Variants in RYR2 observed in about 807,000 individuals in gnomAD.
The protein encoded by RYR2 is cardiac muscle ryanodine receptor-calcium release channel.
In RYR2, 227 loss-of-function variants were observed where a neutral mutation model predicts 601.1. The observed-to-expected ratio is 0.38, with a 90% CI of 0.34 to 0.42. The LOEUF is 0.42. Among genes scored for constraint, RYR2 ranks in the 10% least tolerant of loss-of-function variants. The pLI is 1.00. For missense variants in RYR2, 4,646 were observed against 6,156.5 expected, an observed-to-expected ratio of 0.75 and a Z score of 8.21; for synonymous variants, 2,223 against 2,175.1, an observed-to-expected ratio of 1.02 and a Z score of -0.61.
chr1:237,642,847 C>T (rs1483340868), intron 47 of RYR2, among the ~76,000 whole-genome samples: 1 of 152,162 alleles, frequency 6.6e-6, no homozygotes, highest in African/African-American at 2.4e-5. Flanking sequence ...TGGGAGAAAT[C>T]AGGGTCGAAG....
chr1:237,334,314 G>A (rs1177384669), intron 3 of RYR2, among the ~76,000 whole-genome samples: 2 of 151,996 alleles, frequency 1.3e-5, no homozygotes, highest in African/African-American at 4.8e-5. Flanking sequence ...CCTAATGTAT[G>A]AAGTTTTGGT....
At chr1:237,327,936 T>C (rs558920660) in intron 2 of RYR2, among the ~76,000 whole-genome samples, 1 of 152,344 alleles carries the variant, frequency 6.6e-6, no homozygotes, top group South Asian at 2.1e-4. Flanking sequence ...ATCCATGCTC[T>C]TAACTATTAG....
intron 1 of RYR2, among the ~76,000 whole-genome samples, chr1:237,187,942 T>C (rs931694417): frequency 2.0e-5 from 3 of 152,228 alleles, no homozygotes; most frequent in Non-Finnish European, 4.4e-5. Context: ...TAAATCTCTT[T>C]GCTGTTTGTG....
chr1:237,569,123 G>T (rs749079365), intron 28 of RYR2, 22 bp from the exon 29 acceptor site: 1 of 1,595,918 alleles, frequency 6.3e-7, no homozygotes, highest in South Asian at 1.1e-5. Flanking sequence ...TGTGACAAGG[G>T]ACTTTTCTGT....
chr1:237,765,499 C>T (rs1486838535), intron 84 of RYR2, among the ~76,000 whole-genome samples: 1 of 152,150 alleles, frequency 6.6e-6, no homozygotes, highest in Non-Finnish European at 1.5e-5. Flanking sequence ...GAGGTTCTTA[C>T]TGATATATTT....
intron 20 of RYR2, among the ~76,000 whole-genome samples, chr1:237,497,888 G>T (rs1664240243): frequency 6.6e-6 from 1 of 151,732 alleles, no homozygotes; most frequent in Non-Finnish European, 1.5e-5. Flanking sequence ...TCGAGACAGA[G>T]TCTTGCTCTG....
At chr1:237,240,429 A>G (rs1686022518) in intron 1 of RYR2, among the ~76,000 whole-genome samples, 1 of 152,134 alleles carries the variant, frequency 6.6e-6, no homozygotes, top group Non-Finnish European at 1.5e-5. Flanking sequence ...ATGCTTAAGT[A>G]GAAAAACAAA....
chr1:237,074,959 G>T (rs1259167902), intron 1 of RYR2, among the ~76,000 whole-genome samples: 2 of 152,208 alleles, frequency 1.3e-5, no homozygotes, highest in East Asian at 3.9e-4. Flanking sequence ...CCAGGTCTCG[G>T]AGAGGGATCT....
intron 1 of RYR2, among the ~76,000 whole-genome samples, chr1:237,044,155 T>C (rs1660268517): frequency 6.7e-6 from 1 of 149,276 alleles, no homozygotes; most frequent in African/African-American, 2.5e-5. Context: ...GTAATACAGT[T>C]GTCTTTTTCA....
intron 12 of RYR2, among the ~76,000 whole-genome samples, chr1:237,428,770 A>G (rs1480118930): frequency 7.0e-6 from 1 of 143,168 alleles, no homozygotes; most frequent in Non-Finnish European, 1.5e-5. Context: ...AAAAAAAAAA[A>G]TACAAGTCAC....
intron 58 of RYR2, among the ~76,000 whole-genome samples, chr1:237,671,042 A>G (rs1684881060): frequency 6.6e-6 from 1 of 152,190 alleles, no homozygotes; most frequent in Non-Finnish European, 1.5e-5. Context: ...TCTGCATACA[A>G]CTTGTACTGG....
At chr1:237,310,938 G>C (rs1246248629) in intron 2 of RYR2, among the ~76,000 whole-genome samples, 1 of 152,102 alleles carries the variant, frequency 6.6e-6, no homozygotes, top group African/African-American at 2.4e-5. Context: ...TTCACAGTTA[G>C]GGTTTCCTTG....
At chr1:237,573,458 T>G (rs959399694) in intron 29 of RYR2, among the ~76,000 whole-genome samples, 6 of 151,046 alleles carry the variant, frequency 4.0e-5, no homozygotes, top group Non-Finnish European at 8.9e-5. Context: ...CAAACATCTT[T>G]GAAAGACTGA....
chr1:237,758,307 TG>T (rs2149267951), intron 82 of RYR2, among the ~76,000 whole-genome samples: 1 of 152,324 alleles, frequency 6.6e-6, no homozygotes, highest in East Asian at 1.9e-4. Flanking sequence ...GTATACTTCT[TG>T]TCTATGTGGA....
rs1332840073 is a variant in RYR2 at position 237,497,212 on chromosome 1, A to G, written c.2203+460A>G. ...AGTTCAGCCTTCTGTTAGATAATGT[A>G]ATGGTGGGAAATCAATAATTTGTAA... On this transcript the variant is annotated intron_variant, in intron 20 of 104. Coordinates refer to ENST00000366574, the MANE Select transcript of RYR2 (RefSeq NM_001035.3). 2.0e-5 allele frequency among the ~76,000 whole-genome samples: 3 copies of G among 152,200 alleles called. No individual in the cohort carries two copies. The East Asian group carries it at 5.8e-4, about 29-fold the overall frequency.
At chr1:237,398,497 A>G (rs10925406) in intron 10 of RYR2, among the ~76,000 whole-genome samples, 38,999 of 152,216 alleles carry the variant, frequency 0.26, 5,177 homozygotes, top group Non-Finnish European at 0.3. Context: ...AAATAAGCAC[A>G]TAGAAATATG....
At chr1:237,043,523 C>T (rs1660193333) in intron 1 of RYR2, among the ~76,000 whole-genome samples, 1 of 152,156 alleles carries the variant, frequency 6.6e-6, no homozygotes, top group African/African-American at 2.4e-5. Flanking sequence ...AGATACTTCC[C>T]AGGCTGAGGC....
intron 31 of RYR2, 56 bp downstream of exon 31, chr1:237,591,048 G>A: frequency 1.4e-6 from 2 of 1,480,024 alleles, no homozygotes; most frequent in Non-Finnish European, 1.8e-6. Flanking sequence ...GAAGGTTACA[G>A]TCCAGAGTAA....
rs975111324 is a variant in RYR2, at chr1:237,733,650, T to C, written c.11040-55T>C. The C allele has an allele frequency of 1.1e-4, 119 of 1,119,112 alleles. 3 individuals are homozygous for C. The South Asian group carries it at 1.5e-3, about 14-fold the overall frequency. 69.3% of individuals were successfully genotyped at this position (1,119,112 alleles called of 1,614,324 possible). On this transcript the variant is annotated intron_variant, in intron 78 of 104. Coordinates refer to ENST00000366574, the MANE Select transcript of RYR2 (RefSeq NM_001035.3). The stretch of plus-strand genomic sequence containing the variant: ...TTATTTTAAGCAGCGATGATACGTG[T>C]GCATGTGCCTAGCCTTCTGCTTAAA...
Sources: gnomAD v4.1 joint callset for allele counts (sites outside exome capture counted in the v4.1 genomes callset) on GRCh38, gnomAD v4.1.1 for gene constraint, MANE v1.5 for transcripts, NCBI Gene and HGNC (gene_info 2026-07-23, HGNC 2026-07-21) for gene names.